The following CFAP77 variants were observed in gnomAD, a reference collection of about 807,000 sequenced individuals.
The protein encoded by CFAP77 is cilia and flagella associated protein 77.
Under a neutral mutation model 31.1 loss-of-function variants are expected in CFAP77, and 25 were observed. The observed-to-expected ratio is 0.80, with a 90% CI of 0.59 to 1.12. The LOEUF (loss-of-function observed/expected upper bound fraction) is 1.12. CFAP77 is among the 50% of genes most tolerant of loss of function. The probability of loss-of-function intolerance (pLI) is 0.00; values close to 1 mark genes in which losing one functional copy is unlikely to be tolerated. For missense variants in CFAP77, 377 were observed against 397.3 expected (o/e 0.95, Z 0.44); for synonymous variants, 151 against 159.9 (o/e 0.94, Z 0.42).
chr9:132,569,732 T>A lies in CFAP77; in HGVS notation c.733-2656T>A, dbSNP rs75081921. ...TCCTAAGTGTCTCTAGCTGCCCTTT[T>A]TTTTTTTTTTTTTTTTTTTTTGAGA... On this transcript the variant is annotated intron_variant, in intron 5 of 5. Coordinates refer to ENST00000393216, the MANE Select transcript of CFAP77 (RefSeq NM_001282957.2). Among the ~76,000 whole-genome samples, 3 of 123,508 alleles carry A rather than the reference T, an allele frequency of 2.4e-5. No individual in the cohort carries two copies. In the East Asian group the frequency reaches 6.1e-4, roughly 25 times the overall value. The allele number at this position is 123,508 out of a possible 152,430, so 81.0% of individuals were successfully genotyped here.
chr9:132,513,770 C>T (rs554429490), intron 3 of CFAP77, among the ~76,000 whole-genome samples: 1 of 152,366 alleles, frequency 6.6e-6, no homozygotes, highest in Non-Finnish European at 1.5e-5. Context: ...GGTTGATGTC[C>T]ACGAGCAGAG....
intron 1 of CFAP77, among the ~76,000 whole-genome samples, chr9:132,425,970 G>A (rs1299704259): frequency 6.6e-6 from 1 of 152,088 alleles, no homozygotes; most frequent in Non-Finnish European, 1.5e-5. Context: ...TTGGAAACCG[G>A]GTCATTATAC....
intron 1 of CFAP77, among the ~76,000 whole-genome samples, chr9:132,437,887 A>G (rs1850538033): frequency 6.6e-6 from 1 of 151,694 alleles, no homozygotes; most frequent in Non-Finnish European, 1.5e-5. Context: ...GCTGTAATAG[A>G]TATAAATAAA....
chr9:132,502,565 C>T (rs374573557), intron 3 of CFAP77, among the ~76,000 whole-genome samples: 7 of 152,228 alleles, frequency 4.6e-5, no homozygotes, highest in South Asian at 2.1e-4. Flanking sequence ...CTCATATGCA[C>T]GGAATCATAC....
chr9:132,465,153 T>C (rs1448772632), intron 1 of CFAP77, among the ~76,000 whole-genome samples: 2 of 151,964 alleles, frequency 1.3e-5, no homozygotes, highest in Admixed American at 6.6e-5. Context: ...CCTTGACTTC[T>C]TCCCAGTGCT....
At chr9:132,569,688 A>G (rs912015388) in intron 5 of CFAP77, among the ~76,000 whole-genome samples, 3 of 147,722 alleles carry the variant, frequency 2.0e-5, no homozygotes, top group South Asian at 4.4e-4. Flanking sequence ...CGAGACCCCA[A>G]GGTCTGATGC....
intron 1 of CFAP77, among the ~76,000 whole-genome samples, chr9:132,427,845 A>G (rs940404143): frequency 3.3e-5 from 5 of 152,084 alleles, no homozygotes; most frequent in Admixed American, 2.0e-4. Context: ...CATAATTACA[A>G]ATTATCTTGC....
intron 1 of CFAP77, among the ~76,000 whole-genome samples, chr9:132,411,353 C>A (rs1352848417): frequency 6.6e-6 from 1 of 152,220 alleles, no homozygotes; most frequent in Non-Finnish European, 1.5e-5. Context: ...GACCGCCAGG[C>A]GCTGAGTAGA....
intron 1 of CFAP77, among the ~76,000 whole-genome samples, chr9:132,466,722 C>A (rs1851156307): frequency 1.3e-5 from 2 of 152,164 alleles, no homozygotes; most frequent in African/African-American, 2.4e-5. Context: ...GCCTGTCTGG[C>A]CCCTCCTCAC....
chr9:132,486,097 T>A (rs1403409539), intron 1 of CFAP77, among the ~76,000 whole-genome samples: 4 of 84,694 alleles, frequency 4.7e-5, no homozygotes, highest in African/African-American at 2.6e-4. Context: ...TATATTTTTT[T>A]TTTTTTTTTT....
intron 5 of CFAP77, among the ~76,000 whole-genome samples, chr9:132,551,224 A>G (rs1750183778): frequency 6.6e-6 from 1 of 152,056 alleles, no homozygotes; most frequent in Non-Finnish European, 1.5e-5. Flanking sequence ...GACAGCAGCA[A>G]TGATAACATC....
chr9:132,445,825 C>T (rs1850699773), intron 1 of CFAP77, among the ~76,000 whole-genome samples: 1 of 147,630 alleles, frequency 6.8e-6, no homozygotes. Flanking sequence ...GCCGAGATTG[C>T]ACCACTGCAC....
intron 1 of CFAP77, among the ~76,000 whole-genome samples, chr9:132,461,687 T>G (rs1851052261): frequency 6.6e-6 from 1 of 152,214 alleles, no homozygotes; most frequent in Non-Finnish European, 1.5e-5. Flanking sequence ...AAGGCAGAAC[T>G]GCTCCCCTGG....
chr9:132,456,028 TG>T (rs1312173105), intron 1 of CFAP77, among the ~76,000 whole-genome samples: 1 of 152,220 alleles, frequency 6.6e-6, no homozygotes, highest in African/African-American at 2.4e-5. Context: ...GGCGATTCAA[TG>T]AGGAAATGTG....
intron 3 of CFAP77, 70 bp from the exon 4 acceptor site, chr9:132,537,531 C>G: frequency 8.8e-7 from 1 of 1,138,618 alleles, no homozygotes; most frequent in South Asian, 1.4e-5. Context: ...CTCCCGGGGG[C>G]GGGCGGTGGG....
chr9:132,537,948 T>C (rs1247415281), intron 4 of CFAP77, among the ~76,000 whole-genome samples: 1 of 152,138 alleles, frequency 6.6e-6, no homozygotes, highest in African/African-American at 2.4e-5. Flanking sequence ...CATCAGTCAA[T>C]AGGCCCTGTG....
chr9:132,556,818 T>C lies in CFAP77; in HGVS notation c.732+13771T>C, dbSNP rs1011434277. Among the ~76,000 whole-genome samples, 6 of 152,210 alleles carry C rather than the reference T, an allele frequency of 3.9e-5. No individual in the cohort carries two copies. In the South Asian group the frequency reaches 1.2e-3, roughly 31 times the overall value. ...GCTTCCAATTAGGAGCCGAGGCCGCTCCTGGCGCGCTAACGATTCCCCAGC... is the reference window on the plus strand; with the variant it reads ...GCTTCCAATTAGGAGCCGAGGCCGCCCCTGGCGCGCTAACGATTCCCCAGC... On this transcript the variant is annotated intron_variant, in intron 5 of 5. Transcript: ENST00000393216.
At chr9:132,535,516 A>G (rs948873339) in intron 3 of CFAP77, among the ~76,000 whole-genome samples, 1 of 152,170 alleles carries the variant, frequency 6.6e-6, no homozygotes, top group African/African-American at 2.4e-5. Flanking sequence ...GTTTGAGACC[A>G]GCCTAGTCAA....
chr9:132,439,272 CAT>C (rs1850572926), intron 1 of CFAP77, among the ~76,000 whole-genome samples: 1 of 152,202 alleles, frequency 6.6e-6, no homozygotes, highest in South Asian at 2.1e-4. Context: ...AGACCTGGCT[CAT>C]GTGGGTAGAA....
Sources: gnomAD v4.1 joint callset for allele counts (sites outside exome capture counted in the v4.1 genomes callset) on GRCh38, gnomAD v4.1.1 for gene constraint, MANE v1.5 for transcripts, NCBI Gene and HGNC (gene_info 2026-07-23, HGNC 2026-07-21) for gene names.